Variants in RGS5 observed in about 807,000 individuals in gnomAD.
The protein encoded by RGS5 is regulator of G protein signaling 5, also known as regulator of G-protein signalling 5.
A neutral mutation model predicts 18.9 loss-of-function variants in RGS5; 20 were observed. The ratio of observed to expected loss-of-function variants is 1.06; its 90% CI spans 0.74 to 1.54. The LOEUF is 1.54. Ranked by LOEUF, RGS5 falls within the 40% of genes most tolerant of loss-of-function variation. RGS5 has a pLI of 0.00. For missense variants in RGS5, 201 were observed against 211.8 expected, an observed-to-expected ratio of 0.95 and a Z score of 0.32; for synonymous variants, 57 against 76.2, an observed-to-expected ratio of 0.75 and a Z score of 1.31.
intron 2 of RGS5, among the ~76,000 whole-genome samples, chr1:163,228,149 C>G (rs1048244852): frequency 1.3e-5 from 2 of 152,210 alleles, no homozygotes; most frequent in African/African-American, 2.4e-5. Context: ...ACTAGGCAGT[C>G]CCCCTGTGGG....
chr1:163,235,883 A>G (rs1206123237), intron 2 of RGS5, among the ~76,000 whole-genome samples: 1 of 152,198 alleles, frequency 6.6e-6, no homozygotes, highest in Non-Finnish European at 1.5e-5. Context: ...TCTACTTTAG[A>G]CATCATGCCA....
At chr1:163,210,362 C>G (rs759484667) in intron 1 of RGS5, among the ~76,000 whole-genome samples, 6 of 152,178 alleles carry the variant, frequency 3.9e-5, no homozygotes, top group South Asian at 2.1e-4. Flanking sequence ...ATTTTAATGA[C>G]TATACATTTT....
intron 1 of RGS5, among the ~76,000 whole-genome samples, chr1:163,171,812 T>C (rs1019896161): frequency 6.6e-6 from 1 of 152,208 alleles, no homozygotes. Flanking sequence ...CAAACACCAT[T>C]AGGTTTGCTC....
chr1:163,230,009 G>T (rs1647436457), intron 2 of RGS5, among the ~76,000 whole-genome samples: 1 of 152,108 alleles, frequency 6.6e-6, no homozygotes, highest in African/African-American at 2.4e-5. Flanking sequence ...CTAATTGTTG[G>T]CTGATTAGAA....
intron 2 of RGS5, among the ~76,000 whole-genome samples, chr1:163,278,488 C>T (rs149791149): frequency 3.3e-5 from 5 of 151,862 alleles, no homozygotes; most frequent in African/African-American, 1.2e-4. Context: ...TTTTCAGGAC[C>T]TGAAAATAAA....
chr1:163,248,797 A>G (rs2101696639), intron 2 of RGS5: 1 of 152,300 alleles, frequency 6.6e-6, no homozygotes, highest in South Asian at 2.1e-4. Flanking sequence ...TGGATTTGAG[A>G]TTGTGATTGG....
intron 1 of RGS5, among the ~76,000 whole-genome samples, chr1:163,314,290 A>C (rs1161260547): frequency 1.3e-5 from 2 of 152,150 alleles, no homozygotes; most frequent in East Asian, 3.8e-4. Flanking sequence ...AAGAGTAAAG[A>C]AAAACTGGCA....
chr1:163,280,609 T>C (rs1648967689), intron 2 of RGS5, among the ~76,000 whole-genome samples: 2 of 148,310 alleles, frequency 1.3e-5, no homozygotes, highest in Admixed American at 1.3e-4. Context: ...GGAAATAAAT[T>C]AAGAGCACAA....
rs147701727 is a variant in RGS5, at chr1:163,176,044, A to T, written c.45-7676T>A. On this transcript the variant is annotated intron_variant, in intron 1 of 4. Coordinates refer to ENST00000313961, the MANE Select transcript of RGS5 (RefSeq NM_003617.4). ...CCTTCAAACTATAAGATGGCTGAAA[A>T]GATGGAACTGACAATGTCATTTGTG... Among the ~76,000 whole-genome samples the T allele has an allele frequency of 7.7e-3, 1,166 of 152,360 alleles. 12 individuals are homozygous for T. The highest frequency in any genetic ancestry group is 0.026 in the African/African-American group (1,095 of 41,590).
Position 163,143,195 on chromosome 1 carries a change from C to T in RGS5, c.*4147G>A, listed in dbSNP as rs887388022. The T allele has an allele frequency of 2.0e-5, 3 of 152,176 alleles. No homozygotes were observed. The highest frequency in any genetic ancestry group is 7.2e-5 in the African/African-American group (3 of 41,442). The allele number at this position is 152,176 out of a possible 1,614,324, so 9.4% of individuals were successfully genotyped here. On this transcript the variant is annotated 3_prime_UTR_variant, in exon 5 of 5. Transcript: ENST00000313961. ...CAAACAGTAGCTGCTAAATTGTTAA[C>T]TAAAGAGCCTTGTGCGAAGCAAGTG... is the stretch of plus-strand genomic sequence containing the variant.
At chr1:163,316,070 C>G (rs887908536) in intron 1 of RGS5, among the ~76,000 whole-genome samples, 15 of 152,092 alleles carry the variant, frequency 9.9e-5, no homozygotes, top group African/African-American at 2.9e-4. Flanking sequence ...ATGGCCTCAA[C>G]CATTTATATA....
intron 4 of RGS5, among the ~76,000 whole-genome samples, chr1:163,148,650 T>C (rs909197838): frequency 6.6e-6 from 1 of 152,180 alleles, no homozygotes; most frequent in African/African-American, 2.4e-5. Context: ...ACCAGTAGAC[T>C]CCAGCACTGG....
chr1:163,198,179 T>C (rs1659643552), intron 1 of RGS5, among the ~76,000 whole-genome samples: 1 of 152,116 alleles, frequency 6.6e-6, no homozygotes, highest in Non-Finnish European at 1.5e-5. Context: ...AAAACAAAAA[T>C]TTAAAATAAA....
intron 1 of RGS5, among the ~76,000 whole-genome samples, chr1:163,200,978 T>C (rs947963648): frequency 7.2e-5 from 11 of 152,188 alleles, no homozygotes; most frequent in Non-Finnish European, 1.2e-4. Flanking sequence ...TGCATACTTA[T>C]GAGAAAACAT....
intron 1 of RGS5, among the ~76,000 whole-genome samples, chr1:163,208,098 G>C (rs1001395909): frequency 6.6e-6 from 1 of 151,930 alleles, no homozygotes; most frequent in Non-Finnish European, 1.5e-5. Flanking sequence ...ATAAAACCCA[G>C]CCTGGTTAAC....
intron 2 of RGS5, among the ~76,000 whole-genome samples, chr1:163,225,327 A>G (rs1036894327): frequency 6.6e-6 from 1 of 152,188 alleles, no homozygotes; most frequent in African/African-American, 2.4e-5. Flanking sequence ...GAGTCCATCC[A>G]GATTTACCCA....
At chr1:163,243,842 G>A (rs774940671) in intron 2 of RGS5, among the ~76,000 whole-genome samples, 2 of 150,678 alleles carry the variant, frequency 1.3e-5, no homozygotes, top group African/African-American at 2.5e-5. Flanking sequence ...ACACACATTG[G>A]TTTGGCAAAG....
At chr1:163,259,640 AG>A (rs1472590721) in intron 2 of RGS5, among the ~76,000 whole-genome samples, 1 of 152,234 alleles carries the variant, frequency 6.6e-6, no homozygotes, top group African/African-American at 2.4e-5. Context: ...AAAAGCTGGA[AG>A]GAGTTATTAT....
At chr1:163,213,308 T>A (rs1415082911) in intron 1 of RGS5, among the ~76,000 whole-genome samples, 1 of 152,222 alleles carries the variant, frequency 6.6e-6, no homozygotes, top group South Asian at 2.1e-4. Flanking sequence ...AACTTAAGTT[T>A]CCCTTGAAGC....
Sources: allele counts gnomAD v4.1 joint callset (sites outside exome capture counted in the v4.1 genomes callset), GRCh38; gene constraint gnomAD v4.1.1; transcripts MANE v1.5; gene names NCBI Gene and HGNC (gene_info 2026-07-23, HGNC 2026-07-21).